The following CFAP54 variants were observed in gnomAD, a reference collection of about 807,000 sequenced individuals.
The protein encoded by CFAP54 is cilia and flagella associated protein 54.
In CFAP54, 290 loss-of-function variants were observed where a neutral mutation model predicts 370.4. The observed-to-expected ratio is 0.78, with a 90% CI of 0.71 to 0.86. The LOEUF is 0.86. Among genes scored for constraint, CFAP54 ranks in the 40% least tolerant of loss-of-function variants. CFAP54 has a pLI of 0.00. For missense variants in CFAP54, 3,399 were observed against 3,528.7 expected, an observed-to-expected ratio of 0.96 and a Z score of 0.93; for synonymous variants, 1,206 against 1,236.5, an observed-to-expected ratio of 0.98 and a Z score of 0.52.
chr12:96,872,434 A>G (rs751815330), intron 67 of CFAP54, among the ~76,000 whole-genome samples: 7 of 152,200 alleles, frequency 4.6e-5, no homozygotes, highest in Admixed American at 6.5e-5. Context: ...AAAAGACACC[A>G]ACAGATTGAA....
intron 30 of CFAP54, among the ~76,000 whole-genome samples, chr12:96,628,248 G>A (rs561750326): frequency 1.3e-5 from 2 of 152,294 alleles, no homozygotes; most frequent in African/African-American, 4.8e-5. Context: ...CAACTCCTCA[G>A]TAACGCTGAC....
At chr12:96,647,765 A>C in intron 33 of CFAP54, 110 bp from the exon 34 acceptor site, 1 of 957,776 alleles carries the variant, frequency 1.0e-6, no homozygotes, top group Non-Finnish European at 1.5e-6. Context: ...TCATGATTTA[A>C]AATTTGGGAG....
At chr12:96,616,125 A>G (rs1162655007) in intron 26 of CFAP54, among the ~76,000 whole-genome samples, 3 of 152,238 alleles carry the variant, frequency 2.0e-5, no homozygotes, top group Non-Finnish European at 4.4e-5. Context: ...AATGTCCAAC[A>G]ATGATAGATT....
At chr12:96,669,873 C>T (rs971523230) in intron 39 of CFAP54, among the ~76,000 whole-genome samples, 4 of 152,158 alleles carry the variant, frequency 2.6e-5, no homozygotes, top group Non-Finnish European at 5.9e-5. Flanking sequence ...TGGATGAGGT[C>T]ACCCAGGGAG....
chr12:96,823,925 G>A (rs1818353361), intron 65 of CFAP54, among the ~76,000 whole-genome samples: 2 of 152,092 alleles, frequency 1.3e-5, no homozygotes, highest in Non-Finnish European at 2.9e-5. Context: ...CAAGAGTTTG[G>A]AGGCTGGAAA....
Position 96,535,604 on chromosome 12 carries a change from A to C in CFAP54, c.1791+4A>C. 1.3e-6 allele frequency: 2 copies of C among 1,524,856 alleles called. No homozygotes were observed. Among genetic ancestry groups the C allele is most frequent in the Non-Finnish European group, 1.8e-6 (2 of 1,138,560 alleles). 94.5% of individuals were successfully genotyped at this position (1,524,856 alleles called of 1,614,324 possible). ...CTGTGTCTGCACTGCTCCCCAGGTG[A>C]AATAGCTATTTTAAATAATTTTTAT... On this transcript the variant is annotated splice_donor_region_variant and intron_variant, in intron 12 of 67. Coordinates refer to ENST00000524981, the MANE Select transcript of CFAP54 (RefSeq NM_001306084.2).
intron 40 of CFAP54, among the ~76,000 whole-genome samples, chr12:96,681,119 CCACA>C (rs148319997): frequency 5.3e-5 from 8 of 150,638 alleles, no homozygotes; most frequent in African/African-American, 2.0e-4. Context: ...AAGCACCCCC[CCACA>C]CACACACACA....
chr12:96,643,360 C>T (rs1956754825), intron 32 of CFAP54, among the ~76,000 whole-genome samples: 1 of 147,930 alleles, frequency 6.8e-6, no homozygotes, highest in Admixed American at 6.9e-5. Context: ...TGCCTGCCTT[C>T]TTCCTATCCA....
intron 36 of CFAP54, among the ~76,000 whole-genome samples, chr12:96,656,326 G>T (rs527845540): frequency 7.3e-5 from 11 of 151,634 alleles, no homozygotes; most frequent in Admixed American, 2.6e-4. Flanking sequence ...TTTGGATTGG[G>T]ATCAACTGAG....
intron 48 of CFAP54, among the ~76,000 whole-genome samples, chr12:96,711,885 C>T (rs576527653): frequency 2.0e-5 from 3 of 152,202 alleles, no homozygotes; most frequent in Admixed American, 2.0e-4. Flanking sequence ...TCTTCATGTA[C>T]TGGTGATAGA....
chr12:96,826,635 A>AT (rs1959109886), intron 65 of CFAP54, among the ~76,000 whole-genome samples: 1 of 108,606 alleles, frequency 9.2e-6, no homozygotes, highest in Non-Finnish European at 1.7e-5. Context: ...GTTATATATT[A>AT]AATATAGTAT....
At chr12:96,716,953 G>GGA (rs1957688768) in intron 48 of CFAP54, among the ~76,000 whole-genome samples, 3 of 152,248 alleles carry the variant, frequency 2.0e-5, no homozygotes, top group African/African-American at 7.2e-5. Flanking sequence ...TGTTTTGTTG[G>GGA]TATCAGCTAT....
At chr12:96,808,970 G>A (rs1246682397) in intron 63 of CFAP54, among the ~76,000 whole-genome samples, 2 of 152,138 alleles carry the variant, frequency 1.3e-5, no homozygotes, top group African/African-American at 2.4e-5. Flanking sequence ...TTAATTCATT[G>A]TTTTCTTGGC....
chr12:96,619,767 G>A (rs1357696726), intron 26 of CFAP54, among the ~76,000 whole-genome samples: 6 of 152,136 alleles, frequency 3.9e-5, no homozygotes, highest in Admixed American at 3.9e-4. Context: ...GAGCAGACTC[G>A]TTTCTGTTTT....
intron 26 of CFAP54, among the ~76,000 whole-genome samples, chr12:96,615,147 G>A (rs190101635): frequency 5.3e-4 from 81 of 152,264 alleles, no homozygotes; most frequent in Admixed American, 6.5e-4. Flanking sequence ...CAGCATGGTA[G>A]TGGTACCAAA....
At chr12:96,546,670 A>G (rs1338440802) in intron 14 of CFAP54, among the ~76,000 whole-genome samples, 1 of 152,126 alleles carries the variant, frequency 6.6e-6, no homozygotes, top group Non-Finnish European at 1.5e-5. Flanking sequence ...CTCTACTAAA[A>G]ATACAAAAAT....
chr12:96,830,329 G>C (rs1331052033), intron 66 of CFAP54, among the ~76,000 whole-genome samples: 2 of 152,104 alleles, frequency 1.3e-5, no homozygotes, highest in African/African-American at 4.8e-5. Context: ...AATGCATAGA[G>C]GTTCCAATTT....
At chr12:96,746,843 C>A (rs1301016391) in intron 55 of CFAP54, among the ~76,000 whole-genome samples, 1 of 152,156 alleles carries the variant, frequency 6.6e-6, no homozygotes, top group African/African-American at 2.4e-5. Context: ...TCTTCCCTCT[C>A]CTCCCCACTA....
intron 35 of CFAP54, among the ~76,000 whole-genome samples, chr12:96,650,903 C>T (rs911193373): frequency 6.6e-6 from 1 of 152,188 alleles, no homozygotes; most frequent in African/African-American, 2.4e-5. Context: ...TCCTCTTACT[C>T]TTGCTGTTGT....
Sources: allele counts gnomAD v4.1 joint callset (sites outside exome capture counted in the v4.1 genomes callset), GRCh38; gene constraint gnomAD v4.1.1; transcripts MANE v1.5; gene names NCBI Gene and HGNC (gene_info 2026-07-23, HGNC 2026-07-21).